The following SGCD variants were observed in gnomAD, a reference collection of about 807,000 sequenced individuals.
The protein encoded by SGCD is delta-sarcoglycan.
In SGCD, 18 loss-of-function variants were observed where a neutral mutation model predicts 36.6. The observed-to-expected ratio is 0.49, with a 90% CI of 0.34 to 0.73. The LOEUF is 0.73. Ranked by LOEUF, SGCD falls within the 30% of genes least tolerant of loss-of-function variation. SGCD has a pLI of 0.01. For missense variants in SGCD, 387 were observed against 346.7 expected (o/e 1.12, Z -0.92); for synonymous variants, 133 against 130.6 (o/e 1.02, Z -0.12).
At chr5:155,973,280 A>G (rs1160517250) in intron 1 of SGCD, among the ~76,000 whole-genome samples, 1 of 152,186 alleles carries the variant, frequency 6.6e-6, no homozygotes, top group Non-Finnish European at 1.5e-5. Flanking sequence ...ATATTTGCAC[A>G]GACTTTCTCA....
chr5:155,731,509 G>C, the SGCD span, among the ~76,000 whole-genome samples: 1 of 152,234 alleles, frequency 6.6e-6, no homozygotes, highest in African/African-American at 2.4e-5. Flanking sequence ...TGTTTCTCTG[G>C]GGAGTCATGA....
intron 3 of SGCD, among the ~76,000 whole-genome samples, chr5:156,286,351 G>T (rs1333450213): frequency 2.0e-5 from 3 of 152,106 alleles, no homozygotes; most frequent in African/African-American, 7.2e-5. Context: ...TATAAATCAT[G>T]CTGCTATAAA....
At chr5:156,043,758 T>G (rs938225449) in intron 1 of SGCD, among the ~76,000 whole-genome samples, 1 of 152,112 alleles carries the variant, frequency 6.6e-6, no homozygotes, top group African/African-American at 2.4e-5. Context: ...TAGAGTAATA[T>G]CCAACACTCT....
At chr5:156,644,542 CTTTTT>C (rs796976294) in intron 6 of SGCD, among the ~76,000 whole-genome samples, 1 of 143,892 alleles carries the variant, frequency 6.9e-6, no homozygotes, top group African/African-American at 2.5e-5. Context: ...AAGTCTGTTC[CTTTTT>C]TTTTTTCCTT....
chr5:156,201,356 C>G (rs1466803470), intron 3 of SGCD, among the ~76,000 whole-genome samples: 1 of 152,104 alleles, frequency 6.6e-6, no homozygotes, highest in Non-Finnish European at 1.5e-5. Context: ...AACTGAGGAA[C>G]AGAAAGTATC....
At chr5:156,061,345 G>A (rs1760202089) in intron 1 of SGCD, among the ~76,000 whole-genome samples, 1 of 145,644 alleles carries the variant, frequency 6.9e-6, no homozygotes, top group Non-Finnish European at 1.5e-5. Flanking sequence ...ACAGAGACAG[G>A]GAGTTAATTA....
intron 3 of SGCD, among the ~76,000 whole-genome samples, chr5:156,458,948 C>A (rs1327240504): frequency 6.6e-6 from 1 of 152,076 alleles, no homozygotes; most frequent in African/African-American, 2.4e-5. Flanking sequence ...AGATAGGTTT[C>A]TTTTTTAAAG....
chr5:156,489,220 A>AAT (rs552956578), intron 3 of SGCD, among the ~76,000 whole-genome samples: 1 of 151,988 alleles, frequency 6.6e-6, no homozygotes, highest in Non-Finnish European at 1.5e-5. Flanking sequence ...GTATCTAGGT[A>AAT]ATATATATAT....
intron 3 of SGCD, among the ~76,000 whole-genome samples, chr5:156,480,096 A>G (rs911899937): frequency 3.9e-5 from 6 of 152,230 alleles, no homozygotes; most frequent in Admixed American, 6.5e-5. Flanking sequence ...CTGAGTAGTC[A>G]GTAGGGAAAT....
intron 3 of SGCD, among the ~76,000 whole-genome samples, chr5:156,450,151 C>T (rs906880540): frequency 6.6e-6 from 1 of 152,132 alleles, no homozygotes; most frequent in Non-Finnish European, 1.5e-5. Flanking sequence ...TTCTGTCTTA[C>T]TCCTCTCAGA....
chr5:156,137,753 G>A (rs1387961271), intron 3 of SGCD, among the ~76,000 whole-genome samples: 1 of 152,016 alleles, frequency 6.6e-6, no homozygotes, highest in Non-Finnish European at 1.5e-5. Flanking sequence ...GGTGGGGCCG[G>A]CAGCATTACT....
intron 7 of SGCD, among the ~76,000 whole-genome samples, chr5:156,675,423 A>G (rs2113668819): frequency 6.6e-6 from 1 of 152,330 alleles, no homozygotes; most frequent in East Asian, 1.9e-4. Context: ...ATGGTCAGCA[A>G]CAGGTTAATA....
intron 4 of SGCD, among the ~76,000 whole-genome samples, chr5:156,586,015 A>T (rs1306762135): frequency 5.3e-5 from 8 of 151,784 alleles, no homozygotes; most frequent in African/African-American, 1.9e-4. Flanking sequence ...ACCAATAATG[A>T]TACATTATTA....
At chr5:155,930,463 G>C (rs1295251808) in intron 1 of SGCD, among the ~76,000 whole-genome samples, 1 of 152,154 alleles carries the variant, frequency 6.6e-6, no homozygotes, top group Non-Finnish European at 1.5e-5. Context: ...GAGTGAATTA[G>C]AAAGAAAAAC....
intron 1 of SGCD, among the ~76,000 whole-genome samples, chr5:155,922,185 G>T (rs1341631634): frequency 6.6e-6 from 1 of 152,128 alleles, no homozygotes; most frequent in Non-Finnish European, 1.5e-5. Context: ...TGATCGTTAG[G>T]GCTCCATTGA....
the SGCD span, among the ~76,000 whole-genome samples, chr5:155,751,537 C>A: frequency 2.0e-5 from 3 of 152,052 alleles, no homozygotes; most frequent in African/African-American, 4.8e-5. Flanking sequence ...CAGGCACATA[C>A]CACCACACCA....
rs185477952 is a variant in SGCD, at chr5:156,375,033, A to T, written c.192+30356A>T. On this transcript the variant is annotated intron_variant, in intron 3 of 8. Transcript: ENST00000337851. ...TGTAAAATTTCAGATTTACCAAAAA[A>T]TTGCAAGAGTAGTAAAAGAAACTTT... 2.3e-3 allele frequency among the ~76,000 whole-genome samples: 354 copies of T among 152,324 alleles called. 1 individual carries two copies. Among genetic ancestry groups the T allele is most frequent in the African/African-American group, 7.9e-3 (330 of 41,562 alleles).
rs77006721 is a variant in SGCD, at chr5:156,301,732, A to C, written c.-43-27802A>C. Among the ~76,000 whole-genome samples the C allele has an allele frequency of 5.8e-3, 882 of 152,114 alleles. 4 individuals are homozygous for C. Among genetic ancestry groups the C allele is most frequent in the African/African-American group, 0.019 (785 of 41,542 alleles). ...ATTCCTCAGCTTTTGTTTGTCTGGG[A>C]AAGTGTTTCTGTTTCATGTTTGAAA... On this transcript the variant is annotated intron_variant, in intron 3 of 9. Coordinates refer to the SGCD transcript ENST00000517913.
At chr5:156,325,837 AC>A (rs1441313165), upstream of SGCD, among the ~76,000 whole-genome samples, 2 of 151,984 alleles carry the variant, frequency 1.3e-5, no homozygotes, top group Non-Finnish European at 2.9e-5. Flanking sequence ...GTGCACACAC[AC>A]CTCCCCACAC....
Sources: gnomAD v4.1 joint callset for allele counts (sites outside exome capture counted in the v4.1 genomes callset) on GRCh38, gnomAD v4.1.1 for gene constraint, MANE v1.5 for transcripts, NCBI Gene and HGNC (gene_info 2026-07-23, HGNC 2026-07-21) for gene names.